TMEM132D: variants seen among roughly 807,000 people sequenced by gnomAD.
The protein encoded by TMEM132D is mature OL transmembrane protein.
A neutral mutation model predicts 62.3 loss-of-function variants in TMEM132D; 21 were observed. That is an observed-to-expected ratio of 0.34 (90% CI 0.24 to 0.49). TMEM132D has a LOEUF of 0.49. Ranked by LOEUF, TMEM132D falls within the 20% of genes least tolerant of loss-of-function variation. The pLI is 0.99. For synonymous variants in TMEM132D, 621 were observed against 575.6 expected (o/e 1.08, Z -1.13); for missense variants, 1,346 against 1,402.8 (o/e 0.96, Z 0.65).
chr12:129,128,740 C>A (rs916699660), intron 5 of TMEM132D, among the ~76,000 whole-genome samples: 3 of 152,010 alleles, frequency 2.0e-5, no homozygotes, highest in African/African-American at 7.3e-5. Context: ...TCAACCCTCA[C>A]CCCCTCCCAT....
At chr12:129,513,644 C>A (rs1182608849) in intron 3 of TMEM132D, among the ~76,000 whole-genome samples, 7 of 150,316 alleles carry the variant, frequency 4.7e-5, no homozygotes, top group Middle Eastern at 3.4e-3. Flanking sequence ...ACCACCACGC[C>A]CGGATAATTT....
chr12:129,640,671 C>A (rs1423148064), intron 2 of TMEM132D, among the ~76,000 whole-genome samples: 1 of 152,210 alleles, frequency 6.6e-6, no homozygotes, highest in African/African-American at 2.4e-5. Context: ...GACACACAGA[C>A]ATTAATTCCT....
chr12:129,555,495 T>C lies in TMEM132D; in HGVS notation c.969-24290A>G, dbSNP rs140554710. ...GTTAAAATAGCTAGGGAAGCAACCA[T>C]ACATTTATTTCGAAGAGTTTCATGT... On this transcript the variant is annotated intron_variant, in intron 2 of 8. Coordinates refer to ENST00000422113, the MANE Select transcript of TMEM132D (RefSeq NM_133448.3). Among the ~76,000 whole-genome samples, 220 of 152,318 alleles carry C rather than the reference T, an allele frequency of 1.4e-3. 1 individual carries two copies. Among genetic ancestry groups the C allele is most frequent in the African/African-American group, 5.0e-3 (209 of 41,574 alleles).
At chr12:129,594,744 G>T (rs1377868183) in intron 2 of TMEM132D, among the ~76,000 whole-genome samples, 3 of 152,114 alleles carry the variant, frequency 2.0e-5, no homozygotes. Context: ...TAAGTTCCCG[G>T]TAGCAGGAGT....
At chr12:129,776,929 A>G (rs1221100235) in intron 1 of TMEM132D, among the ~76,000 whole-genome samples, 1 of 152,128 alleles carries the variant, frequency 6.6e-6, no homozygotes, top group Admixed American at 6.5e-5. Context: ...ATAAATCTGT[A>G]TCTTTGAATA....
intron 3 of TMEM132D, among the ~76,000 whole-genome samples, chr12:129,357,825 A>G (rs1418568250): frequency 6.6e-6 from 1 of 152,194 alleles, no homozygotes. Flanking sequence ...AGACATACCC[A>G]TAGGCTACCA....
At chr12:129,244,087 A>T (rs1880007385) in intron 4 of TMEM132D, among the ~76,000 whole-genome samples, 1 of 152,148 alleles carries the variant, frequency 6.6e-6, no homozygotes, top group Non-Finnish European at 1.5e-5. Context: ...CCCATGAACA[A>T]TGAAAAAAAT....
At position 129,074,110 on chromosome 12, in the gene TMEM132D, G is replaced by T. The variant is rs779211933; in HGVS notation, c.3065C>A (p.Pro1022His). The T allele has an allele frequency of 1.2e-6, 2 of 1,614,062 alleles. No individual in the cohort carries two copies. Among genetic ancestry groups the T allele is most frequent in the Non-Finnish European group, 1.7e-6 (2 of 1,180,026 alleles). Residue 1022 changes from proline (P) to histidine (H), a missense_variant, in exon 9 of 9, where the codon CCC becomes CAC. By Grantham distance (77) the Pro-to-His change is moderately conservative (BLOSUM62 -2). Transcript: ENST00000422113. ...CTGATCTTTCCCATCAATGATGATG[G>T]GTCCCAAAGGTTTGAACAGCTGCCC... is the stretch of plus-strand genomic sequence containing the variant. ...INGQLFKPLG[P>H]IIIDGKDQKS...
chr12:129,171,350 T>C (rs1353189554), intron 5 of TMEM132D, among the ~76,000 whole-genome samples: 3 of 152,192 alleles, frequency 2.0e-5, no homozygotes, highest in Non-Finnish European at 1.5e-5. Context: ...TGCACTGACT[T>C]CCTGCACTGA....
intron 4 of TMEM132D, among the ~76,000 whole-genome samples, chr12:129,286,007 AT>A (rs1338920482): frequency 2.0e-5 from 3 of 152,238 alleles, no homozygotes; most frequent in Non-Finnish European, 4.4e-5. Flanking sequence ...TATTAAATCC[AT>A]GATTTTCTTC....
intron 1 of TMEM132D, among the ~76,000 whole-genome samples, chr12:129,839,383 C>T (rs1187108017): frequency 2.0e-5 from 3 of 151,746 alleles, no homozygotes; most frequent in Admixed American, 1.3e-4. Context: ...GCCTCGGCCT[C>T]CCAAAGTACT....
chr12:129,344,230 G>A (rs1195262452), intron 3 of TMEM132D, among the ~76,000 whole-genome samples: 1 of 152,156 alleles, frequency 6.6e-6, no homozygotes, highest in Non-Finnish European at 1.5e-5. Context: ...GTCTGGATCA[G>A]AACCCCTTTC....
chr12:129,397,268 G>C (rs1329912846), intron 3 of TMEM132D, among the ~76,000 whole-genome samples: 1 of 152,116 alleles, frequency 6.6e-6, no homozygotes, highest in Non-Finnish European at 1.5e-5. Flanking sequence ...TGCCCTGTGA[G>C]CTTTCAGAAG....
At chr12:129,657,503 C>G (rs1880121349) in intron 2 of TMEM132D, among the ~76,000 whole-genome samples, 1 of 152,214 alleles carries the variant, frequency 6.6e-6, no homozygotes, top group African/African-American at 2.4e-5. Context: ...TAAACAAAGT[C>G]TCTAAGCAGC....
rs2135602475 is a variant in TMEM132D at position 129,074,284 on chromosome 12, C to A, written c.2891G>T (p.Trp964Leu). 6.2e-7 allele frequency: 1 copy of A among 1,614,094 alleles called. No individual in the cohort carries two copies. Among genetic ancestry groups the A allele is most frequent in the Non-Finnish European group, 8.5e-7 (1 of 1,180,042 alleles). Residue 964 changes from tryptophan (W) to leucine (L), a missense_variant, in exon 9 of 9, where the codon TGG (tryptophan) becomes TTG (leucine). Trp to Leu is a moderately conservative substitution (Grantham distance 61). Transcript: ENST00000422113. ...CTCTGTCCGGTTGCTTAACCCAACC[C>A]AGTCATGAGAGTGACTCATCCCTTC... ...EQEGMSHSHD[W>L]VGLSNRTELL...
chr12:129,618,179 G>C (rs1013117501), intron 2 of TMEM132D, among the ~76,000 whole-genome samples: 2 of 152,306 alleles, frequency 1.3e-5, no homozygotes, highest in Non-Finnish European at 2.9e-5. Flanking sequence ...AGATGCGAGG[G>C]TCCTATTCCA....
intron 4 of TMEM132D, among the ~76,000 whole-genome samples, chr12:129,238,996 GT>G (rs1555240386): frequency 3.6e-3 from 473 of 133,018 alleles, no homozygotes; most frequent in Middle Eastern, 0.012. Context: ...GTTATTTTCT[GT>G]TTTTTTTTTT....
intron 1 of TMEM132D, among the ~76,000 whole-genome samples, chr12:129,802,816 T>C (rs2137308848): frequency 6.6e-6 from 1 of 151,182 alleles, no homozygotes; most frequent in Non-Finnish European, 1.5e-5. Context: ...GAGACACACA[T>C]AGGCTCAAAA....
At position 129,406,526 on chromosome 12, in the gene TMEM132D, A is replaced by G. The variant is rs555298383; in HGVS notation, c.1116-68709T>C. The stretch of plus-strand genomic sequence containing the variant: ...TCCCAGCTACTCGGGAGGCTAAGGC[A>G]GGAGAATGGCGTGAACCCGGGAGGC... On this transcript the variant is annotated intron_variant, in intron 3 of 8. Coordinates refer to ENST00000422113, the MANE Select transcript of TMEM132D (RefSeq NM_133448.3). 1.6e-4 allele frequency among the ~76,000 whole-genome samples: 25 copies of G among 152,138 alleles called. 1 individual carries two copies. The South Asian group carries it at 4.6e-3, about 28-fold the overall frequency.
Sources: allele counts gnomAD v4.1 joint callset (sites outside exome capture counted in the v4.1 genomes callset), GRCh38; gene constraint gnomAD v4.1.1; transcripts MANE v1.5; gene names NCBI Gene and HGNC (gene_info 2026-07-23, HGNC 2026-07-21).